Variants in CDKN2B-AS1 observed in about 807,000 individuals in gnomAD.
The protein encoded by CDKN2B-AS1 is CDKN2B and CDKN2A antisense cis and trans regulatory RNA 1, also known as CDKN2B antisense RNA 1 (non-protein coding).
chr9:22,105,929 C>T (rs1244054268), intron 4 of CDKN2B-AS1, among the ~76,000 whole-genome samples: 1 of 152,176 alleles, frequency 6.6e-6, no homozygotes, highest in African/African-American at 2.4e-5. Flanking sequence ...TGGAGTCAGT[C>T]TGGGAGACTC....
chr9:22,057,321 C>T (rs923678119), intron 4 of CDKN2B-AS1, among the ~76,000 whole-genome samples: 1 of 152,100 alleles, frequency 6.6e-6, no homozygotes, highest in African/African-American at 2.4e-5. Context: ...GGATTAGATA[C>T]ACAAGTACAT....
chr9:22,088,401 T>G (rs1243893508), intron 4 of CDKN2B-AS1, among the ~76,000 whole-genome samples: 2 of 151,718 alleles, frequency 1.3e-5, no homozygotes, highest in South Asian at 4.2e-4. Context: ...GTTCTTCTAC[T>G]CAGGAGAATG....
chr9:22,069,396 G>C (rs944137826), intron 4 of CDKN2B-AS1, among the ~76,000 whole-genome samples: 1 of 152,068 alleles, frequency 6.6e-6, no homozygotes, highest in African/African-American at 2.4e-5. Flanking sequence ...TGACAAAATT[G>C]TGCACTCAAC....
intron 4 of CDKN2B-AS1, among the ~76,000 whole-genome samples, chr9:22,112,570 C>CCATTCTTCTCA (rs1444700893): frequency 3.3e-5 from 5 of 152,050 alleles, no homozygotes; most frequent in African/African-American, 1.2e-4. Flanking sequence ...TGGGAGAAGA[C>CCATTCTTCTCA]CATTCTCAAA....
chr9:22,126,025 C>G (rs1333945527), intron 4 of CDKN2B-AS1, among the ~76,000 whole-genome samples: 2 of 152,138 alleles, frequency 1.3e-5, no homozygotes, highest in Non-Finnish European at 2.9e-5. Context: ...GGTAGGGGCA[C>G]CAGCTTCCTG....
intron 1 of CDKN2B-AS1, among the ~76,000 whole-genome samples, chr9:22,017,495 G>A (rs1321924655): frequency 6.6e-6 from 1 of 151,996 alleles, no homozygotes; most frequent in East Asian, 1.9e-4. Flanking sequence ...ACTGAACTCT[G>A]GCATATAATT....
At chr9:22,029,106 A>T (rs555168372) in intron 1 of CDKN2B-AS1, among the ~76,000 whole-genome samples, 3 of 152,284 alleles carry the variant, frequency 2.0e-5, no homozygotes, top group African/African-American at 7.2e-5. Context: ...TTTCTAGAAG[A>T]ATAGCAGCTA....
intron 4 of CDKN2B-AS1, among the ~76,000 whole-genome samples, chr9:22,072,032 G>C (rs72693666): frequency 5.9e-5 from 9 of 152,178 alleles, no homozygotes; most frequent in African/African-American, 2.2e-4. Flanking sequence ...AGAAGGGACA[G>C]GGGAAAGTCC....
rs776929094 is a variant in CDKN2B-AS1 at position 22,006,260 on chromosome 9, G to A, written n.29+11099G>A. 6.2e-7 allele frequency: 1 copy of A among 1,602,840 alleles called. No homozygotes were observed. Among genetic ancestry groups the A allele is most frequent in the South Asian group, 1.1e-5 (1 of 91,076 alleles). On this transcript the variant is annotated intron_variant and non_coding_transcript_variant, in intron 1 of 4. Transcript: ENST00000650946. The surrounding 1 kb of genome is among the most constrained non-coding windows in gnomAD (Gnocchi z 6.4). ...CCATCATCATGACCTGCCAGAGAGA[G>A]CAGAGTGGTCAGAGCCAGGGTGGGG...
intron 4 of CDKN2B-AS1, among the ~76,000 whole-genome samples, chr9:22,070,895 C>T (rs969528352): frequency 4.6e-5 from 7 of 152,066 alleles, no homozygotes; most frequent in African/African-American, 1.7e-4. Flanking sequence ...TTGCCTGACC[C>T]AGAGGATTTG....
intron 3 of CDKN2B-AS1, among the ~76,000 whole-genome samples, chr9:22,050,038 T>C (rs1823280073): frequency 6.6e-6 from 1 of 152,204 alleles, no homozygotes; most frequent in African/African-American, 2.4e-5. Context: ...TTCTAAAATA[T>C]CCAGATTGTC....
rs561219957 is a variant in CDKN2B-AS1, at chr9:22,019,995, T to A, written n.29+24834T>A. 6.6e-5 allele frequency among the ~76,000 whole-genome samples: 10 copies of A among 152,250 alleles called. No individual in the cohort carries two copies. The South Asian group carries it at 2.1e-3, about 32-fold the overall frequency. Reference sequence around the variant, plus strand: ...ATTAAGTCTAGTACTTGTTAGTTAGTTATTTTTCCTTATTTTCTCCCTCCA... The same window carrying A: ...ATTAAGTCTAGTACTTGTTAGTTAGATATTTTTCCTTATTTTCTCCCTCCA... On this transcript the variant is annotated intron_variant and non_coding_transcript_variant, in intron 1 of 4. Transcript: ENST00000650946.
At chr9:22,068,030 C>G (rs1309976771) in intron 4 of CDKN2B-AS1, among the ~76,000 whole-genome samples, 1 of 152,180 alleles carries the variant, frequency 6.6e-6, no homozygotes, top group Non-Finnish European at 1.5e-5. Context: ...ACTTTTGGGT[C>G]TGTGTAGCCC....
chr9:22,075,573 G>A (rs1165861478), intron 4 of CDKN2B-AS1, among the ~76,000 whole-genome samples: 1 of 152,194 alleles, frequency 6.6e-6, no homozygotes, highest in Non-Finnish European at 1.5e-5. Flanking sequence ...CAAATTGTGA[G>A]CTCTGGGTCT....
At chr9:22,010,611 C>T (rs1470756123) in intron 1 of CDKN2B-AS1, among the ~76,000 whole-genome samples, 1 of 152,162 alleles carries the variant, frequency 6.6e-6, no homozygotes, top group Non-Finnish European at 1.5e-5. Flanking sequence ...GTGCCACCAC[C>T]ATGGAAGTGC....
intron 1 of CDKN2B-AS1, among the ~76,000 whole-genome samples, chr9:22,026,090 T>TAAA (rs777273835): frequency 2.3e-5 from 3 of 132,172 alleles, no homozygotes; most frequent in East Asian, 4.3e-4. Context: ...GGGGACCTGC[T>TAAA]AAAAAAAAAA....
chr9:22,099,235 T>G (rs368565945), intron 4 of CDKN2B-AS1, among the ~76,000 whole-genome samples: 13 of 152,116 alleles, frequency 8.5e-5, no homozygotes, highest in African/African-American at 2.9e-4. Flanking sequence ...TGGGCACGTC[T>G]AGAGCATAGG....
At chr9:22,115,763 A>C (rs144529594) in intron 4 of CDKN2B-AS1, among the ~76,000 whole-genome samples, 12 of 152,150 alleles carry the variant, frequency 7.9e-5, no homozygotes, top group Non-Finnish European at 1.3e-4. Context: ...TTTCTAGGGT[A>C]AACAGGGCAT....
chr9:22,111,632 G>A (rs951130075), intron 4 of CDKN2B-AS1, among the ~76,000 whole-genome samples: 13 of 152,048 alleles, frequency 8.5e-5, no homozygotes, highest in Admixed American at 2.6e-4. Flanking sequence ...AGAAAGACAG[G>A]TTTTTACAGT....
Sources: gnomAD v4.1 joint callset for allele counts (sites outside exome capture counted in the v4.1 genomes callset) on GRCh38, gnomAD v4.1.1 for gene constraint, Gnocchi (gnomAD v3.1) non-coding constraint, MANE v1.5 for transcripts, NCBI Gene and HGNC (gene_info 2026-07-23, HGNC 2026-07-21) for gene names.